The following ADAMTS16 variants were observed in gnomAD, a reference collection of about 807,000 sequenced individuals.
The protein encoded by ADAMTS16 is ADAM metallopeptidase with thrombospondin type 1 motif 16, also known as A disintegrin and metalloproteinase with thrombospondin motifs 16.
ADAMTS16 carries 94 observed loss-of-function variants against 145.8 expected under a neutral mutation model. The ratio of observed to expected loss-of-function variants is 0.64; its 90% confidence interval spans 0.55 to 0.77. The LOEUF (loss-of-function observed/expected upper bound fraction) is 0.77, where lower values mean the gene tolerates loss of function less well. ADAMTS16 is among the 30% of genes least tolerant of loss of function. The probability of loss-of-function intolerance (pLI) is 0.00; values close to 1 mark genes in which losing one functional copy is unlikely to be tolerated. For missense variants in ADAMTS16, 1,585 were observed against 1,591.5 expected, an observed-to-expected ratio of 1.00 and a Z score of 0.07; for synonymous variants, 659 against 604.3, an observed-to-expected ratio of 1.09 and a Z score of -1.33.
At chr5:5,224,050 G>GT (rs1212991151) in intron 11 of ADAMTS16, among the ~76,000 whole-genome samples, 2 of 151,892 alleles carry the variant, frequency 1.3e-5, no homozygotes, top group Admixed American at 1.3e-4. Flanking sequence ...GCTAACACAC[G>GT]TTTTCAGGTT....
intron 3 of ADAMTS16, among the ~76,000 whole-genome samples, chr5:5,169,547 A>C (rs1331205676): frequency 6.6e-6 from 1 of 152,144 alleles, no homozygotes. Flanking sequence ...CCTTTGGTGT[A>C]CTGGTCCTCC....
chr5:5,166,013 C>A (rs1734866844), intron 3 of ADAMTS16, among the ~76,000 whole-genome samples: 1 of 152,182 alleles, frequency 6.6e-6, no homozygotes, highest in South Asian at 2.1e-4. Flanking sequence ...GAGTCCTGCA[C>A]CCACTTTATC....
At chr5:5,216,684 C>G (rs1178428243) in intron 10 of ADAMTS16, among the ~76,000 whole-genome samples, 1 of 148,036 alleles carries the variant, frequency 6.8e-6, no homozygotes, top group Non-Finnish European at 1.5e-5. Flanking sequence ...TATACATGTG[C>G]CATGCTGGTG....
chr5:5,161,182 G>A (rs907914744), intron 3 of ADAMTS16, among the ~76,000 whole-genome samples: 11 of 152,124 alleles, frequency 7.2e-5, no homozygotes, highest in Non-Finnish European at 1.5e-4. Flanking sequence ...TATTAAGTAC[G>A]TTTTGACATT....
chr5:5,180,823 C>G (rs971943783), intron 3 of ADAMTS16, among the ~76,000 whole-genome samples: 1 of 152,186 alleles, frequency 6.6e-6, no homozygotes, highest in South Asian at 2.1e-4. Context: ...TTCTACATCT[C>G]TATTTCCTCA....
intron 18 of ADAMTS16, among the ~76,000 whole-genome samples, chr5:5,274,105 C>T (rs1253574032): frequency 3.3e-5 from 5 of 152,072 alleles, no homozygotes; most frequent in Non-Finnish European, 7.4e-5. Context: ...GTAGAACATT[C>T]CCATATATTT....
intron 9 of ADAMTS16, among the ~76,000 whole-genome samples, chr5:5,207,407 C>G (rs72724129): frequency 6.6e-6 from 1 of 151,694 alleles, no homozygotes; most frequent in African/African-American, 2.4e-5. Context: ...GCAACTTTGC[C>G]GTAACTTATT....
intron 17 of ADAMTS16, among the ~76,000 whole-genome samples, chr5:5,249,799 C>T (rs540653008): frequency 2.6e-5 from 4 of 152,250 alleles, no homozygotes; most frequent in African/African-American, 4.8e-5. Context: ...TCTTGTCCAG[C>T]GTCCAGGAAT....
intron 3 of ADAMTS16, among the ~76,000 whole-genome samples, chr5:5,161,883 C>T (rs1734750394): frequency 6.6e-6 from 1 of 152,166 alleles, no homozygotes; most frequent in East Asian, 1.9e-4. Context: ...GGGACAGGGA[C>T]TGTGAAAGTT....
Position 5,235,177 on chromosome 5 carries a change from C to A in ADAMTS16, c.2014C>A (p.Gln672Lys). 6.4e-7 allele frequency: 1 copy of A among 1,569,022 alleles called. No individual in the cohort carries two copies. Reference sequence around the variant, plus strand: ...GCACTACAAGTGGAAGCCTTACACTCAAGTAGAAGGTAAATCTCAAACTGC... The same window carrying A: ...GCACTACAAGTGGAAGCCTTACACTAAAGTAGAAGGTAAATCTCAAACTGC... ...GRHYKWKPYT[Q>K]VEDQDLCKLY... The change falls in exon 13 of 23, where the codon CAA (glutamine) becomes AAA (lysine). Residue 672 changes from glutamine (Q) to lysine (K), a missense_variant. Gln to Lys is a moderately conservative substitution (Grantham distance 53). This residue lies in a region of ADAMTS16 where 834 missense variants were observed against 811.7 expected (regional missense o/e 1.03). Coordinates refer to ENST00000274181, the MANE Select transcript of ADAMTS16 (RefSeq NM_139056.4).
At chr5:5,198,312 C>A (rs2126587975) in intron 8 of ADAMTS16, among the ~76,000 whole-genome samples, 1 of 152,278 alleles carries the variant, frequency 6.6e-6, no homozygotes, top group African/African-American at 2.4e-5. Flanking sequence ...CATGTGGTTA[C>A]CCTGGCCTTG....
intron 11 of ADAMTS16, among the ~76,000 whole-genome samples, chr5:5,226,736 TA>T (rs1178075638): frequency 7.2e-5 from 11 of 152,284 alleles, no homozygotes; most frequent in African/African-American, 2.6e-4. Context: ...AGTGGTTGCA[TA>T]AGGTGGTAAC....
At chr5:5,207,144 C>G (rs1021668198) in intron 9 of ADAMTS16, among the ~76,000 whole-genome samples, 1 of 152,184 alleles carries the variant, frequency 6.6e-6, no homozygotes, top group Non-Finnish European at 1.5e-5. Flanking sequence ...ATGGGAAGAA[C>G]TAATCTCCTG....
intron 3 of ADAMTS16, among the ~76,000 whole-genome samples, chr5:5,173,064 A>T (rs1469563786): frequency 6.6e-6 from 1 of 151,826 alleles, no homozygotes; most frequent in Non-Finnish European, 1.5e-5. Context: ...TCCCATCTGC[A>T]TGGAATATCT....
chr5:5,214,412 C>T (rs78844791), intron 10 of ADAMTS16, among the ~76,000 whole-genome samples: 465 of 152,022 alleles, frequency 3.1e-3, no homozygotes, highest in Middle Eastern at 0.027. Context: ...CTTTTATTTA[C>T]TTATTTATGT....
intron 10 of ADAMTS16, among the ~76,000 whole-genome samples, chr5:5,216,789 A>G (rs1480363603): frequency 1.6e-5 from 2 of 123,078 alleles, no homozygotes; most frequent in African/African-American, 6.4e-5. Context: ...CCAGAGTGTG[A>G]TATTCCCCTT....
intron 18 of ADAMTS16, among the ~76,000 whole-genome samples, chr5:5,266,498 G>A (rs1300518289): frequency 2.0e-5 from 3 of 152,232 alleles, no homozygotes; most frequent in African/African-American, 7.2e-5. Context: ...GAGAATGCTG[G>A]CAGCTGCTTC....
Position 5,242,107 on chromosome 5 carries a change from T to C in ADAMTS16, c.2578T>C (p.Leu860=). 6.2e-7 allele frequency: 1 copy of C among 1,614,226 alleles called. No homozygotes were observed. The highest frequency in any genetic ancestry group is 8.5e-7 in the Non-Finnish European group (1 of 1,180,032). The part of the protein sequence containing the change: ...GVAWEYSMPR[L]GTEKQPPAQP... ...TGCCTGGGAATACTCCATGCCTCGC[T>C]TGGGGACCGAGAAGCAGCCCCCTGC... The change falls in exon 17 of 23, where the codon TTG becomes CTG. Residue 860 remains leucine, a synonymous_variant. Coordinates refer to ENST00000274181, the MANE Select transcript of ADAMTS16 (RefSeq NM_139056.4).
Position 5,304,983 on chromosome 5 carries a change from CCT to C in ADAMTS16, c.3186+1218_3186+1219del, listed in dbSNP as rs1457468820. On this transcript the variant is annotated intron_variant, in intron 20 of 22. Coordinates refer to ENST00000274181, the MANE Select transcript of ADAMTS16 (RefSeq NM_139056.4). Reference sequence around the variant, plus strand: ...CCACACCACACACACACACACACATCCTACACCACACACACACACACATCCCA... The same window carrying C: ...CCACACCACACACACACACACACATCACACCACACACACACACACATCCCA... Among the ~76,000 whole-genome samples, 935 of 118,116 alleles carry C rather than the reference CCT, an allele frequency of 7.9e-3. 55 individuals carry two copies. The highest frequency in any genetic ancestry group is 0.031 in the African/African-American group (887 of 28,856). The allele number at this position is 118,116 out of a possible 152,430, so 77.5% of individuals were successfully genotyped here.
Sources: gnomAD v4.1 joint callset for allele counts (sites outside exome capture counted in the v4.1 genomes callset) on GRCh38, gnomAD v4.1.1 for gene constraint, gnomAD v4.1.1 regional missense constraint, MANE v1.5 for transcripts, NCBI Gene and HGNC (gene_info 2026-07-23, HGNC 2026-07-21) for gene names.